The following AGBL4 variants were observed in gnomAD, a reference collection of about 807,000 sequenced individuals.
AGBL4 encodes the protein AGBL carboxypeptidase 4.
A neutral mutation model predicts 66.4 loss-of-function variants in AGBL4; 58 were observed. The observed-to-expected ratio is 0.87, with a 90% CI of 0.71 to 1.09. The LOEUF (loss-of-function observed/expected upper bound fraction) is 1.09, where lower values mean the gene tolerates loss of function less well. Ranked by LOEUF, AGBL4 falls within the 50% of genes least tolerant of loss-of-function variation. The probability of loss-of-function intolerance (pLI) is 0.00; values close to 1 mark genes in which losing one functional copy is unlikely to be tolerated. For missense variants in AGBL4, 579 were observed against 631.0 expected (o/e 0.92, Z 0.88); for synonymous variants, 234 against 222.9 (o/e 1.05, Z -0.44).
chr1:49,058,067 T>G (rs771720655), intron 4 of AGBL4, among the ~76,000 whole-genome samples: 51 of 152,186 alleles, frequency 3.4e-4, no homozygotes, highest in Non-Finnish European at 5.1e-4. Flanking sequence ...TTTTGCCCAA[T>G]TTTCACATAG....
chr1:49,713,074 AT>A (rs1338115555), intron 2 of AGBL4, among the ~76,000 whole-genome samples: 1 of 152,140 alleles, frequency 6.6e-6, no homozygotes, highest in African/African-American at 2.4e-5. Context: ...AATGGTTTGT[AT>A]TTTTTTATGT....
chr1:49,542,099 C>T (rs189612429), intron 3 of AGBL4, among the ~76,000 whole-genome samples: 145 of 152,308 alleles, frequency 9.5e-4, no homozygotes, highest in African/African-American at 3.2e-3. Context: ...ATTGTAAACA[C>T]ACCAATCAGC....
intron 4 of AGBL4, among the ~76,000 whole-genome samples, chr1:49,207,586 C>CTTTCTTTCTTTCTT (rs1553166452): frequency 1.8e-4 from 19 of 105,804 alleles, no homozygotes; most frequent in African/African-American, 2.2e-4. Context: ...TTCTTTCTTT[C>CTTTCTTTCTTTCTT]TTTCTTTCTT....
intron 3 of AGBL4, among the ~76,000 whole-genome samples, chr1:49,305,296 C>A (rs1368231335): frequency 6.6e-6 from 1 of 152,046 alleles, no homozygotes; most frequent in Non-Finnish European, 1.5e-5. Flanking sequence ...TAAAAAGAAA[C>A]CAATTACAGT....
At chr1:49,716,773 T>C (rs1431043388) in intron 2 of AGBL4, among the ~76,000 whole-genome samples, 1 of 152,086 alleles carries the variant, frequency 6.6e-6, no homozygotes, top group Non-Finnish European at 1.5e-5. Context: ...TGATGGAACA[T>C]ATCTCAAAAT....
At chr1:49,934,888 G>T (rs560366343) in intron 1 of AGBL4, among the ~76,000 whole-genome samples, 130 of 151,828 alleles carry the variant, frequency 8.6e-4, no homozygotes, top group African/African-American at 3.0e-3. Flanking sequence ...CCGATCTACA[G>T]CTCCCAACGT....
chr1:48,832,973 G>T (rs540252731), intron 6 of AGBL4, among the ~76,000 whole-genome samples: 110 of 152,264 alleles, frequency 7.2e-4, no homozygotes, highest in African/African-American at 2.5e-3. Flanking sequence ...TACATCACCA[G>T]CTCTCCTGGG....
intron 11 of AGBL4, among the ~76,000 whole-genome samples, chr1:48,557,797 C>A (rs1644342726): frequency 6.6e-6 from 1 of 152,102 alleles, no homozygotes; most frequent in South Asian, 2.1e-4. Context: ...AGCAGAGAAC[C>A]CTGAACCTTT....
intron 4 of AGBL4, among the ~76,000 whole-genome samples, chr1:49,136,459 G>A (rs1172192128): frequency 6.6e-6 from 1 of 152,118 alleles, no homozygotes; most frequent in African/African-American, 2.4e-5. Context: ...TCCCATAGTT[G>A]ACAGGCAACA....
At chr1:48,639,965 G>T (rs901415665) in intron 8 of AGBL4, among the ~76,000 whole-genome samples, 2 of 152,206 alleles carry the variant, frequency 1.3e-5, no homozygotes, top group Admixed American at 1.3e-4. Context: ...ATGGCCTCCA[G>T]ATGCCAGGCT....
chr1:50,001,446 T>C (rs182926306), intron 1 of AGBL4, among the ~76,000 whole-genome samples: 4 of 151,204 alleles, frequency 2.6e-5, no homozygotes, highest in Admixed American at 2.0e-4. Flanking sequence ...TGTGTGTCTG[T>C]ATATGTGTGT....
At chr1:49,375,282 C>A (rs779622539) in intron 3 of AGBL4, among the ~76,000 whole-genome samples, 3 of 152,104 alleles carry the variant, frequency 2.0e-5, no homozygotes, top group Admixed American at 1.3e-4. Context: ...CTATACATGG[C>A]TCATTGTGTC....
chr1:49,482,991 A>T (rs1305313508), intron 3 of AGBL4, among the ~76,000 whole-genome samples: 1 of 151,966 alleles, frequency 6.6e-6, no homozygotes, highest in African/African-American at 2.4e-5. Context: ...AGAGAATGTT[A>T]TGATTTCAGT....
chr1:49,591,133 C>A (rs957714359), intron 3 of AGBL4, among the ~76,000 whole-genome samples: 5 of 151,672 alleles, frequency 3.3e-5, no homozygotes, highest in African/African-American at 1.2e-4. Flanking sequence ...CTCAATCTAA[C>A]ATAAAAAGGT....
intron 6 of AGBL4, among the ~76,000 whole-genome samples, chr1:48,721,663 T>G (rs1647152306): frequency 6.6e-6 from 1 of 152,162 alleles, no homozygotes; most frequent in African/African-American, 2.4e-5. Context: ...ACTGCCCAGA[T>G]CAGGGACCCC....
chr1:49,929,851 G>A (rs1327937303), intron 1 of AGBL4, among the ~76,000 whole-genome samples: 2 of 151,946 alleles, frequency 1.3e-5, no homozygotes, highest in East Asian at 1.9e-4. Flanking sequence ...AAGGTCAGAC[G>A]GATAAAAATT....
chr1:49,585,435 A>G (rs1183004093), intron 3 of AGBL4, among the ~76,000 whole-genome samples: 2 of 152,174 alleles, frequency 1.3e-5, no homozygotes, highest in Non-Finnish European at 2.9e-5. Flanking sequence ...AGAAGATAGC[A>G]TCTAAGAACT....
intron 3 of AGBL4, among the ~76,000 whole-genome samples, chr1:49,354,074 G>T (rs1393522840): frequency 1.3e-5 from 2 of 152,172 alleles, no homozygotes; most frequent in Non-Finnish European, 2.9e-5. Context: ...TTAACACTTA[G>T]CTATCTGTGG....
intron 3 of AGBL4, among the ~76,000 whole-genome samples, chr1:49,509,199 C>A (rs143609839): frequency 6.3e-4 from 96 of 151,656 alleles, no homozygotes; most frequent in African/African-American, 2.3e-3. Context: ...TTTTGGCAGC[C>A]AGAGATACAA....
Sources: gnomAD v4.1 joint callset for allele counts (sites outside exome capture counted in the v4.1 genomes callset) on GRCh38, gnomAD v4.1.1 for gene constraint, MANE v1.5 for transcripts, NCBI Gene and HGNC (gene_info 2026-07-23, HGNC 2026-07-21) for gene names.